Variants in ILKAP observed in about 807,000 individuals in gnomAD.
The protein encoded by ILKAP is ILK associated serine/threonine phosphatase, also known as integrin-linked kinase-associated serine/threonine phosphatase 2C.
ILKAP carries 11 observed loss-of-function variants against 49.1 expected under a neutral mutation model. The ratio of observed to expected loss-of-function variants is 0.22; its 90% CI spans 0.14 to 0.37. The LOEUF (loss-of-function observed/expected upper bound fraction) is 0.37. ILKAP is among the 10% of genes least tolerant of loss of function. ILKAP has a pLI of 1.00. For missense variants in ILKAP, 363 were observed against 510.8 expected, an observed-to-expected ratio of 0.71 and a Z score of 2.79; for synonymous variants, 186 against 192.8, an observed-to-expected ratio of 0.96 and a Z score of 0.29.
intron 9 of ILKAP, among the ~76,000 whole-genome samples, chr2:238,178,496 T>C (rs1389522774): frequency 6.6e-6 from 1 of 152,228 alleles, no homozygotes; most frequent in Non-Finnish European, 1.5e-5. Flanking sequence ...CTAGTAGTGA[T>C]AATTTTGATA....
At chr2:238,184,744 T>A (rs571479385) in intron 6 of ILKAP, among the ~76,000 whole-genome samples, 3 of 150,122 alleles carry the variant, frequency 2.0e-5, no homozygotes, top group Admixed American at 6.6e-5. Flanking sequence ...TTTTTTTTTT[T>A]ATAGAGATAG....
chr2:238,171,666 T>C (rs866948003), intron 10 of ILKAP, among the ~76,000 whole-genome samples: 12 of 152,210 alleles, frequency 7.9e-5, no homozygotes, highest in African/African-American at 2.9e-4. Flanking sequence ...ATGGGTGTTA[T>C]GGTAAATATA....
intron 9 of ILKAP, among the ~76,000 whole-genome samples, chr2:238,179,164 G>A (rs527308555): frequency 7.9e-5 from 12 of 152,148 alleles, no homozygotes; most frequent in Non-Finnish European, 1.5e-4. Context: ...CCAGCCAGCA[G>A]GAGTTTCCAC....
At chr2:238,184,346 T>C (rs911629183) in intron 6 of ILKAP, among the ~76,000 whole-genome samples, 6 of 152,078 alleles carry the variant, frequency 3.9e-5, no homozygotes, top group Non-Finnish European at 2.9e-5. Flanking sequence ...CGCGCAACCA[T>C]GCCAGGCTAA....
At chr2:238,191,555 G>C (rs61073149) in intron 3 of ILKAP, among the ~76,000 whole-genome samples, 2,919 of 152,208 alleles carry the variant, frequency 0.019, 93 homozygotes, top group African/African-American at 0.066. Flanking sequence ...GTGTCCTGTG[G>C]CTTACTGTAT....
chr2:238,183,977 C>CCACACA, intron 7 of ILKAP, 43 bp downstream of exon 7: 1 of 1,224,552 alleles, frequency 8.2e-7, no homozygotes, highest in Non-Finnish European at 1.2e-6. Context: ...TAGGAAAACA[C>CCACACA]CACACACAGT....
chr2:238,187,098 A>T (rs1002802755), intron 5 of ILKAP: 5 of 152,264 alleles, frequency 3.3e-5, no homozygotes, highest in African/African-American at 1.2e-4. Context: ...CAAAAAATTC[A>T]AAAAATTAGC....
intron 2 of ILKAP, 45 bp downstream of exon 2, chr2:238,194,760 G>C: frequency 1.3e-6 from 2 of 1,554,016 alleles, no homozygotes; most frequent in Non-Finnish European, 1.8e-6. Context: ...ATCCCAGGAT[G>C]AGTAGAGACG....
At chr2:238,173,242 G>C (rs777882875) in intron 10 of ILKAP, among the ~76,000 whole-genome samples, 3 of 152,096 alleles carry the variant, frequency 2.0e-5, no homozygotes, top group Non-Finnish European at 2.9e-5. Flanking sequence ...CCCTCTGCCA[G>C]GAAGCCCCTT....
At chr2:238,190,698 A>G (rs1694083331) in intron 3 of ILKAP, among the ~76,000 whole-genome samples, 1 of 152,136 alleles carries the variant, frequency 6.6e-6, no homozygotes, top group Non-Finnish European at 1.5e-5. Flanking sequence ...CAATAAGGGC[A>G]GCTGCTGTCC....
rs1401444576 is a variant in ILKAP, at chr2:238,190,849, C to G, written c.179-877G>C. 4.5e-5 allele frequency among the ~76,000 whole-genome samples: 6 copies of G among 134,268 alleles called. No individual in the cohort carries two copies. In the East Asian group the frequency reaches 1.1e-3, roughly 25 times the overall value. The allele number at this position is 134,268 out of a possible 152,430, so 88.1% of individuals were successfully genotyped here. A position where few individuals can be genotyped will look rare whatever the true frequency, so the allele number is the denominator to read the frequency against. On this transcript the variant is annotated intron_variant, in intron 3 of 11. Coordinates refer to ENST00000254654, the MANE Select transcript of ILKAP (RefSeq NM_030768.3). ...TTCAGCCCAGGCATTTGAGACCTGC[C>G]TGGGCAAAGTAGTAAGACGTTTCTC...
chr2:238,187,578 T>C (rs1460320002), intron 5 of ILKAP, among the ~76,000 whole-genome samples: 1 of 152,232 alleles, frequency 6.6e-6, no homozygotes. Flanking sequence ...TTTTTCATTG[T>C]CTGTCTTTTC....
chr2:238,200,023 T>A (rs1694504663), intron 1 of ILKAP, among the ~76,000 whole-genome samples: 1 of 152,136 alleles, frequency 6.6e-6, no homozygotes. Flanking sequence ...ACCAAATAAG[T>A]AAAAGAACCA....
intron 3 of ILKAP, among the ~76,000 whole-genome samples, chr2:238,192,562 T>C (rs1410825725): frequency 6.6e-6 from 1 of 151,648 alleles, no homozygotes; most frequent in African/African-American, 2.4e-5. Flanking sequence ...TAGGTGGGCG[T>C]GGTGGCGGGA....
At chr2:238,174,815 G>C (rs958601908) in intron 9 of ILKAP, among the ~76,000 whole-genome samples, 2 of 152,176 alleles carry the variant, frequency 1.3e-5, no homozygotes. Flanking sequence ...GGGGGCACCT[G>C]GCCTTAAGAG....
intron 1 of ILKAP, among the ~76,000 whole-genome samples, chr2:238,201,561 A>G (rs1296718590): frequency 6.6e-6 from 1 of 152,184 alleles, no homozygotes; most frequent in African/African-American, 2.4e-5. Context: ...CTGAGTTTGG[A>G]AAAAACGGCA....
At chr2:238,192,939 G>T (rs1236946645) in intron 3 of ILKAP, among the ~76,000 whole-genome samples, 1 of 152,004 alleles carries the variant, frequency 6.6e-6, no homozygotes, top group Non-Finnish European at 1.5e-5. Flanking sequence ...CTTAAACCCG[G>T]GAGGTGGAGG....
chr2:238,184,201 A>T (rs1252897996), intron 6 of ILKAP, 88 bp from the exon 7 acceptor site: 1 of 834,958 alleles, frequency 1.2e-6, no homozygotes, highest in South Asian at 1.4e-5. Flanking sequence ...TTTTTGTTTT[A>T]TTTTTTTGAG....
chr2:238,183,788 C>T, intron 7 of ILKAP, 48 bp from the exon 8 acceptor site: 1 of 1,377,390 alleles, frequency 7.3e-7, no homozygotes, highest in Non-Finnish European at 1.0e-6. Flanking sequence ...TAGCCCAGCA[C>T]TTTGAGACTA....
Sources: allele counts gnomAD v4.1 joint callset (sites outside exome capture counted in the v4.1 genomes callset), GRCh38; gene constraint gnomAD v4.1.1; transcripts MANE v1.5; gene names NCBI Gene and HGNC (gene_info 2026-07-23, HGNC 2026-07-21).